FAM149A: variants seen among roughly 807,000 people sequenced by gnomAD.
FAM149A encodes the protein family with sequence similarity 149 member A.
A neutral mutation model predicts 78.2 loss-of-function variants in FAM149A; 71 were observed. That is an observed-to-expected ratio of 0.91 (90% CI 0.75 to 1.11). FAM149A has a LOEUF of 1.11. FAM149A is among the 50% of genes least tolerant of loss of function. The pLI is 0.00. For missense variants in FAM149A, 1,036 were observed against 971.0 expected, an observed-to-expected ratio of 1.07 and a Z score of -0.89; for synonymous variants, 446 against 410.5, an observed-to-expected ratio of 1.09 and a Z score of -1.04.
At chr4:186,151,638 A>G (rs908824579) in intron 3 of FAM149A, 29 of 718,630 alleles carry the variant, frequency 4.0e-5, no homozygotes, top group Non-Finnish European at 4.4e-5. Context: ...ACCTCTATCT[A>G]TGCAAATTCT....
chr4:186,109,311 C>CTTT lies in FAM149A; in HGVS notation c.566+3678_566+3680dup, dbSNP rs60560568. 2,670 of 571,246 alleles carry CTTT rather than the reference C, an allele frequency of 4.7e-3. 2 individuals carry two copies. The highest frequency in any genetic ancestry group is 6.1e-3 in the East Asian group (41 of 6,668). 35.4% of individuals were successfully genotyped at this position (571,246 alleles called of 1,614,324 possible). A position where few individuals can be genotyped will look rare whatever the true frequency, so the allele number is the denominator to read the frequency against. ...AGTTATTAGCAAGCATATATTCACT[C>CTTT]TTTTTTTTTTTGAGTGATTGAGTTC... On this transcript the variant is annotated intron_variant, in intron 1 of 13. Transcript: ENST00000389354.
At chr4:186,155,959 G>A in intron 6 of FAM149A, 41 bp from the exon 7 acceptor site, 1 of 1,527,876 alleles carries the variant, frequency 6.5e-7, no homozygotes. Context: ...TTAACTCTAA[G>A]CATTGATCTT....
chr4:186,125,725 A>G, intron 1 of FAM149A: 1 of 984,924 alleles, frequency 1.0e-6, no homozygotes, highest in Non-Finnish European at 1.2e-6. Context: ...TATTATTGTG[A>G]ATAGCTGAAG....
intron 1 of FAM149A, among the ~76,000 whole-genome samples, chr4:186,143,149 C>CTTTTTTTTTTTTTTTTTTTTTTTTTTTT (rs141403092): frequency 1.2e-5 from 1 of 85,038 alleles, no homozygotes; most frequent in Non-Finnish European, 2.4e-5. Context: ...TCGATTTTTA[C>CTTTTTTTTTTTTTTTTTTTTTTTTTTTT]TTTTTTTTTT....
At chr4:186,157,827 A>G (rs1018730195) in intron 8 of FAM149A, 108 bp downstream of exon 8, 42 of 1,559,590 alleles carry the variant, frequency 2.7e-5, no homozygotes, top group Non-Finnish European at 3.4e-5. Flanking sequence ...GCTGCTTTCC[A>G]CGCTGCCCGC....
intron 1 of FAM149A, among the ~76,000 whole-genome samples, chr4:186,134,732 G>A (rs558893489): frequency 4.6e-4 from 70 of 152,252 alleles, no homozygotes; most frequent in African/African-American, 1.7e-3. Context: ...TAGCAGCCTC[G>A]TGTGCTGCAG....
chr4:186,167,384 G>A (rs1279526729), intron 13 of FAM149A, 122 bp downstream of exon 13: 6 of 958,168 alleles, frequency 6.3e-6, no homozygotes, highest in Non-Finnish European at 1.0e-5. Flanking sequence ...AATAGCAAAT[G>A]TTTGGGGCCT....
chr4:186,150,470 A>G (rs1224320779), intron 3 of FAM149A, among the ~76,000 whole-genome samples: 6 of 101,616 alleles, frequency 5.9e-5, no homozygotes, highest in Non-Finnish European at 1.1e-4. Context: ...CCCAGGCTGG[A>G]GTGCAGGGGC....
At chr4:186,153,374 C>G (rs1208611393) in intron 4 of FAM149A, 3 of 970,664 alleles carry the variant, frequency 3.1e-6, no homozygotes, top group African/African-American at 3.5e-5. Context: ...ATTCATCAGC[C>G]CTGCAAGGTA....
chr4:186,165,979 C>A (rs1188697074), intron 11 of FAM149A, among the ~76,000 whole-genome samples: 1 of 152,176 alleles, frequency 6.6e-6, no homozygotes, highest in East Asian at 1.9e-4. Flanking sequence ...GGACCCTGGT[C>A]ATTTCTATCG....
Position 186,116,357 on chromosome 4 carries a change from T to C in FAM149A, c.566+10715T>C, listed in dbSNP as rs973537130. The C allele has an allele frequency of 3.0e-4, 143 of 471,818 alleles. 3 individuals carry two copies. In the Admixed American group the frequency reaches 3.5e-3, roughly 11 times the overall value. The allele number at this position is 471,818 out of a possible 1,614,324, so 29.2% of individuals were successfully genotyped here. A position where few individuals can be genotyped will look rare whatever the true frequency, so the allele number is the denominator to read the frequency against. ...AAATGCAGAAATCACCCGTCTTCTG[T>C]GTCACTCACGCTGGGAGCTGTAGAC... is the stretch of plus-strand genomic sequence containing the variant. On this transcript the variant is annotated intron_variant, in intron 1 of 13. Transcript: ENST00000389354.
intron 13 of FAM149A, chr4:186,171,017 C>G (rs1222595755): frequency 6.6e-6 from 1 of 152,408 alleles, no homozygotes. Flanking sequence ...ATCAGTGATT[C>G]TAAGAACCAC....
In FAM149A at chr4:186,137,021, A is replaced by ACTCTCTCTC. The variant is rs1554068550; in HGVS notation, c.567-12152_567-12151insCTCTCTCTC. Among the ~76,000 whole-genome samples, 13 of 93,782 alleles carry ACTCTCTCTC rather than the reference A, an allele frequency of 1.4e-4. 1 individual carries two copies. The East Asian group carries it at 2.9e-3, about 21-fold the overall frequency. The allele number at this position is 93,782 out of a possible 152,430, so 61.5% of individuals were successfully genotyped here. ...CTCTCTCTCTCTCTCTCTCTCTCTA[A>ACTCTCTCTC]GTGCTTAAAGCAGGGCCTGGTGTGT... On this transcript the variant is annotated intron_variant, in intron 1 of 13. Transcript: ENST00000389354.
chr4:186,105,224 A>G lies in FAM149A; in HGVS notation c.148A>G (p.Thr50Ala). Residue 50 changes from threonine to alanine, a missense_variant, in exon 1 of 14, where the codon ACC (threonine) becomes GCC (alanine). Thr to Ala is a moderately conservative substitution (Grantham distance 58). This residue lies in a region of FAM149A where 316 missense variants were observed against 241.9 expected (regional missense o/e 1.31). Coordinates refer to ENST00000389354, the MANE Select transcript of FAM149A (RefSeq NM_001367768.3). ...CTCCAGGGCGGGCACCCCGTTGGGT[A>G]CCGCCCCGACCCTCCTCCGCGCCCT... The G allele has an allele frequency of 8.0e-7, 1 of 1,255,562 alleles. No homozygotes were observed. The highest frequency in any genetic ancestry group is 1.0e-6 in the Non-Finnish European group (1 of 974,978). 77.8% of individuals were successfully genotyped at this position (1,255,562 alleles called of 1,614,324 possible).
rs201494456 is a variant in FAM149A, at chr4:186,156,124, G to A, written c.1354G>A (p.Val452Ile). 1.0e-4 allele frequency: 169 copies of A among 1,613,808 alleles called. No homozygotes were observed. The highest frequency in any genetic ancestry group is 3.3e-4 in the Admixed American group (20 of 59,966). ...CGTGGCAGCAGAAGTGTTTGATCAC[G>A]TCTGGACAAATATGGTAGAACTTTT... Residue 452 changes from valine to isoleucine, a missense_variant, in exon 7 of 14, where the codon GTC becomes ATC. Coordinates refer to ENST00000389354, the MANE Select transcript of FAM149A (RefSeq NM_001367768.3).
intron 1 of FAM149A, among the ~76,000 whole-genome samples, chr4:186,143,616 G>A (rs956646607): frequency 1.3e-5 from 2 of 152,118 alleles, no homozygotes; most frequent in East Asian, 1.9e-4. Context: ...GGCGATCTCC[G>A]CCTCCCAGGT....
intron 1 of FAM149A, among the ~76,000 whole-genome samples, chr4:186,128,582 T>C (rs959849574): frequency 5.3e-5 from 8 of 152,184 alleles, no homozygotes; most frequent in African/African-American, 1.9e-4. Context: ...TTGTTTATTA[T>C]GGGGAAGGGC....
At chr4:186,168,068 A>G (rs1735209909) in intron 13 of FAM149A, among the ~76,000 whole-genome samples, 1 of 152,250 alleles carries the variant, frequency 6.6e-6, no homozygotes, top group African/African-American at 2.4e-5. Flanking sequence ...AGGGAATTTT[A>G]AACATATAAT....
At chr4:186,152,486 C>T (rs1193554046) in intron 4 of FAM149A, among the ~76,000 whole-genome samples, 1 of 148,416 alleles carries the variant, frequency 6.7e-6, no homozygotes, top group Non-Finnish European at 1.5e-5. Flanking sequence ...CTTTTCATAT[C>T]AAAGATGGAG....
Sources: allele counts gnomAD v4.1 joint callset (sites outside exome capture counted in the v4.1 genomes callset), GRCh38; gene constraint gnomAD v4.1.1; regional missense constraint gnomAD v4.1.1; transcripts MANE v1.5; gene names NCBI Gene and HGNC (gene_info 2026-07-23, HGNC 2026-07-21).